Variants in CACNA1S observed in about 807,000 individuals in gnomAD.
CACNA1S encodes the protein voltage-dependent L-type calcium channel subunit alpha-1S.
A neutral mutation model predicts 207.4 loss-of-function variants in CACNA1S; 126 were observed. The ratio of observed to expected loss-of-function variants is 0.61; its 90% CI spans 0.53 to 0.70. CACNA1S has a LOEUF of 0.70. Among genes scored for constraint, CACNA1S ranks in the 30% least tolerant of loss-of-function variants. The pLI is 0.00. For synonymous variants in CACNA1S, 960 were observed against 932.7 expected, an observed-to-expected ratio of 1.03 and a Z score of -0.53; for missense variants, 2,349 against 2,422.8, an observed-to-expected ratio of 0.97 and a Z score of 0.64.
intron 24 of CACNA1S, 46 bp from the exon 25 acceptor site, chr1:201,061,514 G>T: frequency 6.4e-7 from 1 of 1,571,116 alleles, no homozygotes; most frequent in South Asian, 1.1e-5. Context: ...GGGGTGACAA[G>T]GCAGAGAGTC....
chr1:201,101,846 A>G (rs1219875285), intron 2 of CACNA1S, among the ~76,000 whole-genome samples: 1 of 152,148 alleles, frequency 6.6e-6, no homozygotes, highest in African/African-American at 2.4e-5. Context: ...TCAGAAAGTG[A>G]AGATGTAAGC....
intron 1 of CACNA1S, among the ~76,000 whole-genome samples, chr1:201,111,908 TCTCTTCCTCTTCCTCCTCCTCCTCTTC>T (rs2102192764): frequency 2.1e-5 from 1 of 47,760 alleles, no homozygotes; most frequent in Non-Finnish European, 4.2e-5. Flanking sequence ...AAGTCCTCCT[TCTCTTCCTCTTCCTCCTCCTCCTCTTC>T]CTCCTCCTCC....
chr1:201,043,086 C>T (rs1660331852), intron 40 of CACNA1S, 195 bp downstream of exon 40: 1 of 637,768 alleles, frequency 1.6e-6, no homozygotes, highest in Non-Finnish European at 2.8e-6. Context: ...TGATGTGAGG[C>T]TTCCCCCTGC....
At chr1:201,084,861 A>T in intron 9 of CACNA1S, 89 bp downstream of exon 9, 1 of 936,560 alleles carries the variant, frequency 1.1e-6, no homozygotes, top group South Asian at 1.3e-5. Context: ...AGTGACTCTG[A>T]AACCACTGAG....
At chr1:201,065,151 T>C (rs923130960) in intron 22 of CACNA1S, among the ~76,000 whole-genome samples, 3 of 152,222 alleles carry the variant, frequency 2.0e-5, no homozygotes, top group African/African-American at 7.2e-5. Flanking sequence ...AGGCCCGGGA[T>C]GGATGTCACT....
intron 26 of CACNA1S, among the ~76,000 whole-genome samples, chr1:201,059,508 C>G (rs1261955058): frequency 6.6e-6 from 1 of 152,226 alleles, no homozygotes; most frequent in Admixed American, 6.5e-5. Flanking sequence ...CCCTACCCCA[C>G]CACCACAAAA....
chr1:201,069,686 T>C, intron 17 of CACNA1S, 85 bp from the exon 18 acceptor site: 1 of 1,479,072 alleles, frequency 6.8e-7, no homozygotes, highest in Non-Finnish European at 9.2e-7. Flanking sequence ...CGGACGAACA[T>C]GGAATACACC....
chr1:201,047,544 C>G lies in CACNA1S; in HGVS notation c.4524G>C (p.Gln1508His), dbSNP rs763335016. Residue 1508 changes from glutamine to histidine, a missense_variant, in exon 37 of 44, where the codon CAG becomes CAC. Transcript: ENST00000362061. ...WKRTSMKLLD[Q>H]VIPPIGDDEV... ...ACCTACCTCCTATTGGAGGGATGAC[C>G]TGGTCCAAGAGCTTCATGCTGGTTC... The G allele has an allele frequency of 2.5e-6, 4 of 1,613,906 alleles. No homozygotes were observed. In the African/African-American group the frequency reaches 5.3e-5, roughly 22 times the overall value.
chr1:201,073,492 A>C, intron 15 of CACNA1S, 57 bp downstream of exon 15: 5 of 1,364,874 alleles, frequency 3.7e-6, no homozygotes, highest in Non-Finnish European at 5.3e-6. Flanking sequence ...TATGAAGGGA[A>C]CCATGGATTG....
At chr1:201,091,604 C>A (rs1161600025) in intron 5 of CACNA1S, 36 bp downstream of exon 5, 1 of 1,613,588 alleles carries the variant, frequency 6.2e-7, no homozygotes, top group Non-Finnish European at 8.5e-7. Flanking sequence ...CCATCCTAGG[C>A]CCTGCCCCAC....
chr1:201,109,511 A>C (rs1444579539), intron 2 of CACNA1S, among the ~76,000 whole-genome samples: 3 of 152,214 alleles, frequency 2.0e-5, no homozygotes, highest in African/African-American at 7.2e-5. Flanking sequence ...TTAATTAGCT[A>C]TTGAGTAAGT....
At chr1:201,073,400 C>T (rs1452333287) in intron 15 of CACNA1S, 149 bp downstream of exon 15, 2 of 763,424 alleles carry the variant, frequency 2.6e-6, no homozygotes, top group Non-Finnish European at 4.7e-6. Context: ...GCTGGCTCTC[C>T]CTCCAGTCGT....
At chr1:201,054,670 T>C in intron 28 of CACNA1S, 109 bp from the exon 29 acceptor site, 1 of 549,584 alleles carries the variant, frequency 1.8e-6, no homozygotes, top group Non-Finnish European at 2.7e-6. Context: ...ACAGAAGAGT[T>C]AAAGAGAAAA....
intron 18 of CACNA1S, 82 bp from the exon 19 acceptor site, chr1:201,069,278 G>A: frequency 1.4e-6 from 2 of 1,468,332 alleles, no homozygotes; most frequent in South Asian, 2.3e-5. Context: ...CATAAAGCAG[G>A]CAGTCAGAGC....
At position 201,053,633 on chromosome 1, in the gene CACNA1S, G is replaced by A. The variant is rs1228490077; in HGVS notation, c.3667-46C>T. 9 of 1,575,470 alleles carry A rather than the reference G, an allele frequency of 5.7e-6. No individual in the cohort carries two copies. In the South Asian group the frequency reaches 8.8e-5, roughly 15 times the overall value. ...AGGTCAGTCTGGGGGCAGAACCTCA[G>A]AGGGGTAAGGGGCAGGGCGGGGAGG... On this transcript the variant is annotated intron_variant, in intron 29 of 43. Transcript: ENST00000362061. This position sits in a 1 kb window ranked among gnomAD's most constrained non-coding sequence, Gnocchi z 5.1.
intron 10 of CACNA1S, among the ~76,000 whole-genome samples, chr1:201,079,939 A>G (rs141392369): frequency 6.6e-6 from 1 of 152,164 alleles, no homozygotes; most frequent in Admixed American, 6.5e-5. Context: ...AACCAACCCT[A>G]TCTCAAGACT....
intron 37 of CACNA1S, 141 bp from the exon 38 acceptor site, chr1:201,047,380 C>A: frequency 7.5e-7 from 1 of 1,330,706 alleles, no homozygotes; most frequent in Non-Finnish European, 1.1e-6. Flanking sequence ...ACTTTCCATC[C>A]TGAGGTTGGA....
intron 41 of CACNA1S, 22 bp downstream of exon 41, chr1:201,041,474 AAGCTTCTT>A (rs749566610): frequency 7.7e-6 from 12 of 1,567,012 alleles, no homozygotes; most frequent in African/African-American, 1.4e-5. Context: ...GAGAAGACTC[AAGCTTCTT>A]AGATGCACAG....
chr1:201,074,528 T>A lies in CACNA1S; in HGVS notation c.2041A>T (p.Lys681Ter). ...TSAQKAKAEE[K>*]KRRKMSKGLP... ...CACTTGGACATCTTCCTGCGTTTTT[T>A]CTCCTCAGCCTTGGCCTTCTGGGCA... The change falls in exon 14 of 44, where the codon AAA (lysine) becomes TAA (stop). Residue 681 changes from lysine (K) to a stop codon, truncating the protein, a stop_gained. Transcript: ENST00000362061. LOFTEE classifies it high-confidence loss of function. 1 of 1,613,346 alleles carries A rather than the reference T, an allele frequency of 6.2e-7. No homozygotes were observed. The highest frequency in any genetic ancestry group is 1.1e-5 in the South Asian group (1 of 90,980).
Sources: gnomAD v4.1 joint callset for allele counts (sites outside exome capture counted in the v4.1 genomes callset) on GRCh38, gnomAD v4.1.1 for gene constraint, Gnocchi (gnomAD v3.1) non-coding constraint, MANE v1.5 for transcripts, NCBI Gene and HGNC (gene_info 2026-07-23, HGNC 2026-07-21) for gene names.